The following MRGPRE variants were observed in gnomAD, a reference collection of about 807,000 sequenced individuals.
The protein encoded by MRGPRE is mas-related G protein-coupled receptor member E.
For synonymous variants in MRGPRE, 229 were observed against 206.7 expected (o/e 1.11, Z -0.92); for missense variants, 466 against 433.4 (o/e 1.08, Z -0.67).
intron 1 of MRGPRE, 104 bp downstream of exon 1, chr11:3,232,037 G>A (rs74900798): frequency 0.084 from 12,792 of 152,402 alleles, 765 homozygotes; most frequent in East Asian, 0.2. Flanking sequence ...TGTTGCCCAC[G>A]CCCCACCCCT....
rs1438597295 is a variant in MRGPRE, at chr11:3,230,332, G to A, written c.-61-1472C>T. On this transcript the variant is annotated intron_variant, in intron 1 of 1. Transcript: ENST00000389832. The surrounding 1 kb of genome is among the most constrained non-coding windows in gnomAD (Gnocchi z 5.5). The stretch of plus-strand genomic sequence containing the variant: ...GAGGGCTGGGGTTTGGGGTGAGGAG[G>A]GTGGGGGTACAAGCAGAAACCCCCA... 6.6e-6 allele frequency among the ~76,000 whole-genome samples: 1 copy of A among 152,022 alleles called. No individual in the cohort carries two copies. The highest frequency in any genetic ancestry group is 1.5e-5 in the Non-Finnish European group (1 of 67,992).
rs1427930702 is a variant in MRGPRE, at chr11:3,227,935, C to T, written c.865G>A (p.Ala289Thr). The T allele has an allele frequency of 6.5e-7, 1 of 1,531,270 alleles. No homozygotes were observed. 94.9% of individuals were successfully genotyped at this position (1,531,270 alleles called of 1,614,324 possible). ...CCCAGCTCAGCCTCGTCTCCCAGCG[C>T]TCGCTGGAGGACCAGCCGGAGGGGC... ...RLPLRLVLQRALGDEAELGAV... is the reference protein window; with the variant it reads ...RLPLRLVLQRTLGDEAELGAV... Residue 289 changes from alanine to threonine, a missense_variant, in exon 2 of 2, where the codon GCG (alanine) becomes ACG (threonine). By Grantham distance (58) the Ala-to-Thr change is moderately conservative. Transcript: ENST00000389832.
chr11:3,227,116 C>T lies in MRGPRE; in HGVS notation c.*745G>A, dbSNP rs543286075. On this transcript the variant is annotated 3_prime_UTR_variant, in exon 2 of 2. Transcript: ENST00000389832. ...GGGCCGGTGTGAAGCTTTCTGGTTG[C>T]TGAAGACCTGGGTCCTGTGGGGAGA... Among the ~76,000 whole-genome samples the T allele has an allele frequency of 6.6e-6, 1 of 152,246 alleles. No homozygotes were observed. The highest frequency in any genetic ancestry group is 2.1e-4 in the South Asian group (1 of 4,822).
chr11:3,230,491 G>T lies in MRGPRE; in HGVS notation c.-61-1631C>A, dbSNP rs1304263178. Among the ~76,000 whole-genome samples the T allele has an allele frequency of 6.6e-6, 1 of 152,214 alleles. No individual in the cohort carries two copies. The highest frequency in any genetic ancestry group is 2.4e-5 in the African/African-American group (1 of 41,450). The stretch of plus-strand genomic sequence containing the variant: ...TGGGATGCTGGGGAGAGGTGGCCCG[G>T]GGCGGGGCTATCGCTGAGCACAGAG... On this transcript the variant is annotated intron_variant, in intron 1 of 1. Transcript: ENST00000389832. This position sits in a 1 kb window ranked among gnomAD's most constrained non-coding sequence, Gnocchi z 5.5.
chr11:3,228,391 G>C lies in MRGPRE; in HGVS notation c.409C>G (p.Arg137Gly). 1 of 1,598,344 alleles carries C rather than the reference G, an allele frequency of 6.3e-7. No homozygotes were observed. The highest frequency in any genetic ancestry group is 8.5e-7 in the Non-Finnish European group (1 of 1,174,454). Residue 137 changes from arginine to glycine, a missense_variant, in exon 2 of 2, where the codon CGC (arginine) becomes GGC (glycine). By Grantham distance (125) the Arg-to-Gly change is moderately radical. Transcript: ENST00000389832. ...GCGCACACACAGGTGGTCAGGTGGCGTGGGCGGCGGCACGAGTACCAGGCT... is the reference window on the plus strand; with the variant it reads ...GCGCACACACAGGTGGTCAGGTGGCCTGGGCGGCGGCACGAGTACCAGGCT... ...FPAWYSCRRP[R>G]HLTTCVCALT...
rs1455752085 is a variant in MRGPRE at position 3,226,759 on chromosome 11, G to C, written c.*1102C>G. ...TGGATGTGTGGCGTTGGTGGCAGTA[G>C]AATCGACAGACATTTCTCTTGGGCT... is the stretch of plus-strand genomic sequence containing the variant. On this transcript the variant is annotated 3_prime_UTR_variant, in exon 2 of 2. Transcript: ENST00000389832. Among the ~76,000 whole-genome samples, 1 of 152,226 alleles carries C rather than the reference G, an allele frequency of 6.6e-6. No homozygotes were observed. The highest frequency in any genetic ancestry group is 1.5e-5 in the Non-Finnish European group (1 of 68,036).
rs1455720850 is a variant in MRGPRE, at chr11:3,230,003, A to AG, written c.-61-1144dup. Among the ~76,000 whole-genome samples the AG allele has an allele frequency of 6.6e-6, 1 of 152,140 alleles. No individual in the cohort carries two copies. Among genetic ancestry groups the AG allele is most frequent in the East Asian group, 1.9e-4 (1 of 5,196 alleles). ...AGTCCTGGGAGGCAGCACAAATCCC[A>AG]GGGGACCTAGGCTGGAATCGGAGTC... On this transcript the variant is annotated intron_variant, in intron 1 of 1. Coordinates refer to ENST00000389832, the MANE Select transcript of MRGPRE (RefSeq NM_001039165.4). The surrounding 1 kb of genome is among the most constrained non-coding windows in gnomAD (Gnocchi z 5.5).
At position 3,231,543 on chromosome 11, in the gene MRGPRE, G is replaced by A. The variant is rs1199883487; in HGVS notation, c.-62+598C>T. Reference sequence around the variant, plus strand: ...TTGTTGCATCCTTGGTGAGCAGGAGGAAGAGGAGAGGGAGGAGAAGGAGGG... The same window carrying A: ...TTGTTGCATCCTTGGTGAGCAGGAGAAAGAGGAGAGGGAGGAGAAGGAGGG... On this transcript the variant is annotated intron_variant, in intron 1 of 1. Transcript: ENST00000389832. The surrounding 1 kb of genome is among the most constrained non-coding windows in gnomAD (Gnocchi z 4.7). 6.7e-6 allele frequency among the ~76,000 whole-genome samples: 1 copy of A among 148,562 alleles called. No individual in the cohort carries two copies. The highest frequency in any genetic ancestry group is 2.5e-5 in the African/African-American group (1 of 40,520).
Position 3,227,907 on chromosome 11 carries a change from G to T in MRGPRE, c.893C>A (p.Ala298Asp), listed in dbSNP as rs1264922749. 2 of 1,479,990 alleles carry T rather than the reference G, an allele frequency of 1.4e-6. No individual in the cohort carries two copies. The highest frequency in any genetic ancestry group is 1.4e-5 in the African/African-American group (1 of 71,060). 91.7% of individuals were successfully genotyped at this position (1,479,990 alleles called of 1,614,324 possible). The change falls in exon 2 of 2, where the codon GCC becomes GAC. Residue 298 changes from alanine to aspartate, a missense_variant. Physicochemically the swap from Ala to Asp is moderately radical, Grantham distance 126. Transcript: ENST00000389832. ...RALGDEAELGAVRETSRRGLV... is the reference protein window; with the variant it reads ...RALGDEAELGDVRETSRRGLV... ...GCCCCGGCGGGAGGTCTCCCTGACG[G>T]CCCCCAGCTCAGCCTCGTCTCCCAG...
rs1847808463 is a variant in MRGPRE at position 3,229,637 on chromosome 11, T to C, written c.-61-777A>G. On this transcript the variant is annotated intron_variant, in intron 1 of 1. Coordinates refer to ENST00000389832, the MANE Select transcript of MRGPRE (RefSeq NM_001039165.4). The surrounding 1 kb of genome is among the most constrained non-coding windows in gnomAD (Gnocchi z 4.4). ...GCAGCCCTCAACTCTTTGAGGCCTT[T>C]CCTTGACATCCATGAGGGGTTGTTT... 6.6e-6 allele frequency among the ~76,000 whole-genome samples: 1 copy of C among 152,182 alleles called. No homozygotes were observed. Among genetic ancestry groups the C allele is most frequent in the African/African-American group, 2.4e-5 (1 of 41,436 alleles).
Position 3,226,365 on chromosome 11 carries a change from C to T in MRGPRE, c.*1496G>A, listed in dbSNP as rs1222488648. The T allele has an allele frequency of 6.6e-6, 1 of 152,266 alleles. No individual in the cohort carries two copies. The highest frequency in any genetic ancestry group is 2.4e-5 in the African/African-American group (1 of 41,422). The allele number at this position is 152,266 out of a possible 1,614,324, so 9.4% of individuals were successfully genotyped here. A position where few individuals can be genotyped will look rare whatever the true frequency, so the allele number is the denominator to read the frequency against. On this transcript the variant is annotated 3_prime_UTR_variant, in exon 2 of 2. Transcript: ENST00000389832. ...CGTCCTGGAGGTGGGGAGAGAGGGC[C>T]CTGTGCAGATCCTGGGCTGGAGATA...
chr11:3,231,619 GGGA>G lies in MRGPRE; in HGVS notation c.-62+519_-62+521del, dbSNP rs755346810. Among the ~76,000 whole-genome samples the G allele has an allele frequency of 2.0e-5, 3 of 149,222 alleles. No individual in the cohort carries two copies. Among genetic ancestry groups the G allele is most frequent in the Non-Finnish European group, 4.5e-5 (3 of 67,066 alleles). ...GAGAACAGGAGGGAGGAGGAGGAGG[GGGA>G]GGAGAAGGAGGGGAGGAGGCGGGGA... On this transcript the variant is annotated intron_variant, in intron 1 of 1. Coordinates refer to ENST00000389832, the MANE Select transcript of MRGPRE (RefSeq NM_001039165.4). The surrounding 1 kb of genome is among the most constrained non-coding windows in gnomAD (Gnocchi z 4.7).
In MRGPRE at chr11:3,228,426, G is replaced by A; in HGVS notation, c.374C>T (p.Ala125Val). 1.2e-6 allele frequency: 2 copies of A among 1,609,446 alleles called. No individual in the cohort carries two copies. The highest frequency in any genetic ancestry group is 1.7e-6 in the Non-Finnish European group (2 of 1,178,996). ...AAVSVEQCLA[A>V]LFPAWYSCRR... ...GCACGAGTACCAGGCTGGGAAGAGGGCGGCCAGGCACTGCTCCACGCTGAC... is the reference window on the plus strand; with the variant it reads ...GCACGAGTACCAGGCTGGGAAGAGGACGGCCAGGCACTGCTCCACGCTGAC... The change falls in exon 2 of 2, where the codon GCC becomes GTC. Residue 125 changes from alanine (A) to valine (V), a missense_variant. Transcript: ENST00000389832.
rs560563379 is a variant in MRGPRE, at chr11:3,230,375, T to G, written c.-61-1515A>C. ...AACCCCCATAGCTGGTCTTAGCGGC[T>G]TCTTCCCACCTCAAGGTTGTGCTCA... On this transcript the variant is annotated intron_variant, in intron 1 of 1. Transcript: ENST00000389832. The surrounding 1 kb of genome is among the most constrained non-coding windows in gnomAD (Gnocchi z 5.5). Among the ~76,000 whole-genome samples, 22 of 152,124 alleles carry G rather than the reference T, an allele frequency of 1.4e-4. 1 individual carries two copies. The highest frequency in any genetic ancestry group is 5.3e-4 in the African/African-American group (22 of 41,510).
chr11:3,228,888 GC>G (rs1847798181), intron 1 of MRGPRE, 28 bp from the exon 2 acceptor site: 2 of 1,105,634 alleles, frequency 1.8e-6, no homozygotes, highest in Admixed American at 2.7e-5. Flanking sequence ...TGAGTCTGGG[GC>G]TCAGGAATCC....
rs1847777127 is a variant in MRGPRE at position 3,227,661 on chromosome 11, G to A, written c.*200C>T. 2.1e-6 allele frequency: 1 copy of A among 478,240 alleles called. No homozygotes were observed. Among genetic ancestry groups the A allele is most frequent in the Non-Finnish European group, 3.6e-6 (1 of 276,730 alleles). The allele number at this position is 478,240 out of a possible 1,614,324, so 29.6% of individuals were successfully genotyped here. On this transcript the variant is annotated 3_prime_UTR_variant, in exon 2 of 2. Transcript: ENST00000389832. Reference sequence around the variant, plus strand: ...AGACCCGGCCCGCCTGCCTGGGCATGTAGAGACCTTGCCTTTCCAGCTGCC... The same window carrying A: ...AGACCCGGCCCGCCTGCCTGGGCATATAGAGACCTTGCCTTTCCAGCTGCC...
rs992275492 is a variant in MRGPRE, at chr11:3,231,624, G to A, written c.-62+517C>T. On this transcript the variant is annotated intron_variant, in intron 1 of 1. Coordinates refer to ENST00000389832, the MANE Select transcript of MRGPRE (RefSeq NM_001039165.4). This position sits in a 1 kb window ranked among gnomAD's most constrained non-coding sequence, Gnocchi z 4.7. Reference sequence around the variant, plus strand: ...CAGGAGGGAGGAGGAGGAGGGGGAGGAGAAGGAGGGGAGGAGGCGGGGAAG... The same window carrying A: ...CAGGAGGGAGGAGGAGGAGGGGGAGAAGAAGGAGGGGAGGAGGCGGGGAAG... Among the ~76,000 whole-genome samples the A allele has an allele frequency of 1.4e-5, 2 of 141,196 alleles. No homozygotes were observed. Among genetic ancestry groups the A allele is most frequent in the Non-Finnish European group, 3.1e-5 (2 of 64,770 alleles). 92.6% of individuals were successfully genotyped at this position (141,196 alleles called of 152,430 possible).
chr11:3,228,874 C>T lies in MRGPRE; in HGVS notation c.-61-14G>A, dbSNP rs1847798029. ...CTCCTGATGCCCCTGTAAACCACAA[C>T]AGTTGAGTCTGGGGCTCAGGAATCC... On this transcript the variant is annotated splice_polypyrimidine_tract_variant and intron_variant, in intron 1 of 1. Transcript: ENST00000389832. 2.4e-6 allele frequency: 3 copies of T among 1,235,964 alleles called. No homozygotes were observed. Among genetic ancestry groups the T allele is most frequent in the Admixed American group, 4.9e-5 (2 of 40,476 alleles). 76.6% of individuals were successfully genotyped at this position (1,235,964 alleles called of 1,614,324 possible). A position where few individuals can be genotyped will look rare whatever the true frequency, so the allele number is the denominator to read the frequency against.
rs903817511 is a variant in MRGPRE, at chr11:3,231,587, G to A, written c.-62+554C>T. 1.4e-5 allele frequency among the ~76,000 whole-genome samples: 2 copies of A among 143,130 alleles called. No individual in the cohort carries two copies. Among genetic ancestry groups the A allele is most frequent in the Admixed American group, 7.1e-5 (1 of 14,180 alleles). The allele number at this position is 143,130 out of a possible 152,430, so 93.9% of individuals were successfully genotyped here. A position where few individuals can be genotyped will look rare whatever the true frequency, so the allele number is the denominator to read the frequency against. On this transcript the variant is annotated intron_variant, in intron 1 of 1. Coordinates refer to ENST00000389832, the MANE Select transcript of MRGPRE (RefSeq NM_001039165.4). This position sits in a 1 kb window ranked among gnomAD's most constrained non-coding sequence, Gnocchi z 4.7. ...AGGAGGGGAGGAGGCGGGGGAGGAC[G>A]ATGGAAGAGAACAGGAGGGAGGAGG...
Sources: gnomAD v4.1 joint callset for allele counts (sites outside exome capture counted in the v4.1 genomes callset) on GRCh38, gnomAD v4.1.1 for gene constraint, Gnocchi (gnomAD v3.1) non-coding constraint, MANE v1.5 for transcripts, NCBI Gene and HGNC (gene_info 2026-07-23, HGNC 2026-07-21) for gene names.